ATP2B2: variants seen among roughly 807,000 people sequenced by gnomAD.
ATP2B2 encodes the protein plasma membrane calcium-transporting ATPase 2.
In ATP2B2, 15 loss-of-function variants were observed where a neutral mutation model predicts 120.0. The observed-to-expected ratio is 0.12, with a 90% CI of 0.08 to 0.19. The LOEUF (loss-of-function observed/expected upper bound fraction) is 0.19, where lower values mean the gene tolerates loss of function less well. ATP2B2 is among the 10% of genes least tolerant of loss of function. The pLI is 1.00. For synonymous variants in ATP2B2, 694 were observed against 700.3 expected (o/e 0.99, Z 0.14); for missense variants, 1,045 against 1,719.8 (o/e 0.61, Z 6.94).
intron 2 of ATP2B2, among the ~76,000 whole-genome samples, chr3:10,540,403 TA>T (rs1226461427): frequency 6.6e-6 from 1 of 152,128 alleles, no homozygotes; most frequent in African/African-American, 2.4e-5. Context: ...CACGCTACTA[TA>T]AAGACATGTG....
intron 2 of ATP2B2, among the ~76,000 whole-genome samples, chr3:10,600,263 C>A (rs1226019889): frequency 2.6e-5 from 4 of 152,226 alleles, no homozygotes; most frequent in Non-Finnish European, 5.9e-5. Context: ...TAACTGGATG[C>A]CCAAGGAGAG....
chr3:10,331,846 C>T, intron 22 of ATP2B2: 1 of 793,902 alleles, frequency 1.3e-6, no homozygotes, highest in Non-Finnish European at 2.0e-6. Flanking sequence ...TGCCCGTTGT[C>T]AGAGGGCTCT....
At chr3:10,377,707 G>A (rs1271764816) in intron 10 of ATP2B2, among the ~76,000 whole-genome samples, 6 of 152,214 alleles carry the variant, frequency 3.9e-5, no homozygotes, top group African/African-American at 1.2e-4. Flanking sequence ...CCTCTGCACT[G>A]TGGCCAGGGT....
At chr3:10,538,336 C>A (rs7618367) in intron 2 of ATP2B2, among the ~76,000 whole-genome samples, 29,346 of 152,066 alleles carry the variant, frequency 0.19, 3,624 homozygotes, top group East Asian at 0.45. Context: ...AAAATATTCC[C>A]ATCAATAGAA....
chr3:10,403,624 A>G (rs9841364), intron 3 of ATP2B2, among the ~76,000 whole-genome samples: 18,242 of 152,052 alleles, frequency 0.12, 3,608 homozygotes, highest in African/African-American at 0.41. Flanking sequence ...GGCCATTTCC[A>G]TGGAAAGGAA....
chr3:10,700,480 T>G (rs1240994883), intron 1 of ATP2B2, among the ~76,000 whole-genome samples: 2 of 152,086 alleles, frequency 1.3e-5, no homozygotes, highest in Non-Finnish European at 2.9e-5. Flanking sequence ...CATGGAGAGA[T>G]GAGGACAGGG....
intron 1 of ATP2B2, among the ~76,000 whole-genome samples, chr3:10,677,393 C>A (rs2071272906): frequency 6.6e-6 from 1 of 152,020 alleles, no homozygotes; most frequent in African/African-American, 2.4e-5. Context: ...CAGTGGTCAA[C>A]AGGGGTTGGG....
At position 10,487,007 on chromosome 3, in the gene ATP2B2, C is replaced by T. The variant is rs530921117; in HGVS notation, c.-320+18458G>A. ...CCTCCCAAAGTGCTGGGATTACAGG[C>T]GTGAGCCATTGCGCCCAGCCCCAGC... is the stretch of plus-strand genomic sequence containing the variant. On this transcript the variant is annotated intron_variant, in intron 1 of 22. Coordinates refer to ENST00000360273, the MANE Select transcript of ATP2B2 (RefSeq NM_001001331.4). Among the ~76,000 whole-genome samples the T allele has an allele frequency of 2.9e-4, 44 of 152,262 alleles. No homozygotes were observed. In the East Asian group the frequency reaches 3.1e-3, roughly 11 times the overall value.
chr3:10,586,309 G>A (rs865901530), intron 2 of ATP2B2, among the ~76,000 whole-genome samples: 1 of 152,292 alleles, frequency 6.6e-6, no homozygotes, highest in Middle Eastern at 3.4e-3. Flanking sequence ...AGAAAGGAAG[G>A]GGACCCTGCC....
At chr3:10,424,646 C>T (rs1045519987) in intron 2 of ATP2B2, among the ~76,000 whole-genome samples, 8 of 152,188 alleles carry the variant, frequency 5.3e-5, no homozygotes, top group African/African-American at 1.9e-4. Context: ...GCATTTCTGT[C>T]TTTGGAAAGC....
chr3:10,618,617 C>G (rs1165645426), intron 2 of ATP2B2, among the ~76,000 whole-genome samples: 3 of 152,172 alleles, frequency 2.0e-5, no homozygotes, highest in Non-Finnish European at 4.4e-5. Flanking sequence ...CTCTCCCCAG[C>G]ATCACCTTTT....
At chr3:10,377,618 C>T (rs1472673503) in intron 10 of ATP2B2, among the ~76,000 whole-genome samples, 2 of 152,220 alleles carry the variant, frequency 1.3e-5, no homozygotes, top group Non-Finnish European at 2.9e-5. Flanking sequence ...AGTTGGGATG[C>T]CCAGTTTGTT....
intron 2 of ATP2B2, among the ~76,000 whole-genome samples, chr3:10,615,647 G>A (rs1482310031): frequency 6.6e-6 from 1 of 152,140 alleles, no homozygotes; most frequent in Non-Finnish European, 1.5e-5. Context: ...GCTAAACTCA[G>A]CAACCATCAC....
chr3:10,351,547 C>T (rs2060578395), intron 14 of ATP2B2, among the ~76,000 whole-genome samples: 1 of 152,152 alleles, frequency 6.6e-6, no homozygotes, highest in African/African-American at 2.4e-5. Flanking sequence ...GGAGCGCACT[C>T]CAGCATCCAC....
intron 1 of ATP2B2, among the ~76,000 whole-genome samples, chr3:10,690,848 C>G (rs563740279): frequency 1.3e-5 from 2 of 152,304 alleles, no homozygotes; most frequent in South Asian, 4.1e-4. Flanking sequence ...GAGGCCCACA[C>G]CCATTTTAAG....
chr3:10,512,911 C>T (rs953169598), intron 3 of ATP2B2, among the ~76,000 whole-genome samples: 5 of 152,230 alleles, frequency 3.3e-5, no homozygotes, highest in African/African-American at 1.2e-4. Flanking sequence ...GTCTCTCAAC[C>T]TCTCTGGCCT....
Position 10,402,696 on chromosome 3 carries a change from C to T in ATP2B2, c.398-348G>A, listed in dbSNP as rs914129581. 1.3e-5 allele frequency among the ~76,000 whole-genome samples: 2 copies of T among 152,180 alleles called. No individual in the cohort carries two copies. Among genetic ancestry groups the T allele is most frequent in the Non-Finnish European group, 2.9e-5 (2 of 68,026 alleles). ...GCCCCTTCAGTTTTCTGCCTTGGTT[C>T]TAGCTGTGAGATCTTGGGCAAATGA... On this transcript the variant is annotated intron_variant, in intron 3 of 22. Coordinates refer to ENST00000360273, the MANE Select transcript of ATP2B2 (RefSeq NM_001001331.4). This position sits in a 1 kb window ranked among gnomAD's most constrained non-coding sequence, Gnocchi z 4.9.
intron 2 of ATP2B2, among the ~76,000 whole-genome samples, chr3:10,422,902 C>T (rs1169080209): frequency 6.6e-6 from 1 of 152,212 alleles, no homozygotes; most frequent in African/African-American, 2.4e-5. Context: ...ACTCTTCTCT[C>T]CACTGTGGGA....
intron 2 of ATP2B2, among the ~76,000 whole-genome samples, chr3:10,447,295 T>C (rs1036383290): frequency 3.3e-5 from 5 of 152,178 alleles, no homozygotes; most frequent in African/African-American, 4.8e-5. Context: ...ATACTCCCTC[T>C]AGCAGTACAG....
Sources: allele counts gnomAD v4.1 joint callset (sites outside exome capture counted in the v4.1 genomes callset), GRCh38; gene constraint gnomAD v4.1.1; non-coding constraint Gnocchi (gnomAD v3.1); transcripts MANE v1.5; gene names NCBI Gene and HGNC (gene_info 2026-07-23, HGNC 2026-07-21).